SLC35D4: variants seen among roughly 807,000 people sequenced by gnomAD.
SLC35D4 encodes UDP-N-acetylglucosamine transporter SLC35D4.
the SLC35D4 span, among the ~76,000 whole-genome samples, chr18:23,327,273 A>G: frequency 6.6e-6 from 1 of 152,214 alleles, no homozygotes; most frequent in African/African-American, 2.4e-5. Flanking sequence ...TGGTTTTTTG[A>G]AAAGATCAAC....
the SLC35D4 span, among the ~76,000 whole-genome samples, chr18:23,424,242 G>A: frequency 2.6e-5 from 4 of 152,172 alleles, no homozygotes; most frequent in Non-Finnish European, 5.9e-5. Flanking sequence ...ATCACTCCCA[G>A]GTTCTGAGTT....
At chr18:23,318,537 A>C in the SLC35D4 span, among the ~76,000 whole-genome samples, 22 of 152,178 alleles carry the variant, frequency 1.4e-4, no homozygotes. Flanking sequence ...CTTAATTAAC[A>C]CTATACACGT....
the SLC35D4 span, among the ~76,000 whole-genome samples, chr18:23,436,866 C>A: frequency 2.6e-5 from 4 of 152,112 alleles, no homozygotes; most frequent in Admixed American, 1.3e-4. Flanking sequence ...ATAAAGGCAG[C>A]CATTCATTGT....
At chr18:23,275,622 CT>C in the SLC35D4 span, among the ~76,000 whole-genome samples, 2,965 of 143,580 alleles carry the variant, frequency 0.021, 103 homozygotes, top group African/African-American at 0.072. Flanking sequence ...CTGTGCTGTG[CT>C]GTGCTGTGCT....
At chr18:23,313,585 T>G in the SLC35D4 span, among the ~76,000 whole-genome samples, 2 of 152,186 alleles carry the variant, frequency 1.3e-5, no homozygotes, top group African/African-American at 4.8e-5. Context: ...TTTCACTTCC[T>G]GCCTAGCCCT....
the SLC35D4 span, among the ~76,000 whole-genome samples, chr18:23,261,684 C>T: frequency 6.6e-6 from 1 of 152,184 alleles, no homozygotes. Flanking sequence ...ACCTCAAATA[C>T]ACTCAGAACA....
chr18:23,387,893 T>G, the SLC35D4 span, among the ~76,000 whole-genome samples: 1 of 152,228 alleles, frequency 6.6e-6, no homozygotes, highest in African/African-American at 2.4e-5. Flanking sequence ...TCATGTTTGT[T>G]AAGATTATTA....
At chr18:23,262,734 G>A in the SLC35D4 span, among the ~76,000 whole-genome samples, 2 of 152,248 alleles carry the variant, frequency 1.3e-5, no homozygotes, top group African/African-American at 2.4e-5. Flanking sequence ...AGGCAGCAGG[G>A]TTGGAAATCA....
At chr18:23,355,842 T>C in the SLC35D4 span, among the ~76,000 whole-genome samples, 1 of 152,150 alleles carries the variant, frequency 6.6e-6, no homozygotes, top group Non-Finnish European at 1.5e-5. Flanking sequence ...GACCCAAAGA[T>C]CATACAATTA....
chr18:23,287,141 C>T, the SLC35D4 span, among the ~76,000 whole-genome samples: 1 of 152,122 alleles, frequency 6.6e-6, no homozygotes, highest in Admixed American at 6.6e-5. Flanking sequence ...CTTACAATTC[C>T]CCCATTTTAC....
the SLC35D4 span, among the ~76,000 whole-genome samples, chr18:23,333,011 C>T: frequency 6.6e-6 from 1 of 152,132 alleles, no homozygotes; most frequent in Non-Finnish European, 1.5e-5. Flanking sequence ...ATAGGACACT[C>T]TATACACCTG....
At chr18:23,252,888 C>T in the SLC35D4 span, 8 of 1,003,864 alleles carry the variant, frequency 8.0e-6, no homozygotes, top group East Asian at 7.4e-5. Context: ...GTAAGTTGGT[C>T]GTAGTTGGTG....
At chr18:23,298,133 A>G in the SLC35D4 span, 2 of 1,576,618 alleles carry the variant, frequency 1.3e-6, no homozygotes, top group Non-Finnish European at 1.7e-6. Flanking sequence ...TGGCGCCCAC[A>G]TACGCAGGGC....
chr18:23,250,215 C>T, the SLC35D4 span, among the ~76,000 whole-genome samples: 2 of 152,224 alleles, frequency 1.3e-5, no homozygotes, highest in Admixed American at 6.5e-5. Context: ...GCTCACAGGG[C>T]GTCAGGCCCC....
At chr18:23,247,039 G>T in the SLC35D4 span, among the ~76,000 whole-genome samples, 1 of 152,198 alleles carries the variant, frequency 6.6e-6, no homozygotes, top group African/African-American at 2.4e-5. Context: ...TAAAGCATTG[G>T]CCTGACTTTT....
At chr18:23,402,103 G>A in the SLC35D4 span, among the ~76,000 whole-genome samples, 1 of 152,200 alleles carries the variant, frequency 6.6e-6, no homozygotes, top group Non-Finnish European at 1.5e-5. Context: ...AGACACACAG[G>A]AGAGGCAGTG....
chr18:23,400,023 T>C, the SLC35D4 span, among the ~76,000 whole-genome samples: 1 of 152,150 alleles, frequency 6.6e-6, no homozygotes, highest in Non-Finnish European at 1.5e-5. Flanking sequence ...AAAAGGTTAT[T>C]TACCCAGGCT....
the SLC35D4 span, among the ~76,000 whole-genome samples, chr18:23,361,103 CAAAA>C: frequency 0.27 from 25,249 of 94,030 alleles, 1,854 homozygotes; most frequent in East Asian, 0.4. Flanking sequence ...GACTTTGTCT[CAAAA>C]AAAAAAAAAA....
chr18:23,419,682 T>G, the SLC35D4 span, among the ~76,000 whole-genome samples: 1 of 152,144 alleles, frequency 6.6e-6, no homozygotes, highest in Non-Finnish European at 1.5e-5. Flanking sequence ...CGTACTAGAA[T>G]TTTGGAGTAG....
Sources: allele counts gnomAD v4.1 joint callset (sites outside exome capture counted in the v4.1 genomes callset), GRCh38; gene constraint gnomAD v4.1.1; transcripts MANE v1.5; gene names NCBI Gene and HGNC (gene_info 2026-07-23, HGNC 2026-07-21).